The following AAMDC variants were observed in gnomAD, a reference collection of about 807,000 sequenced individuals.
AAMDC encodes the protein adipogenesis associated Mth938 domain containing, also known as mth938 domain-containing protein.
Under a neutral mutation model 15.5 loss-of-function variants are expected in AAMDC, and 16 were observed. The observed-to-expected ratio is 1.03, with a 90% CI of 0.70 to 1.57. AAMDC has a LOEUF of 1.57. AAMDC is among the 40% of genes most tolerant of loss of function. The probability of loss-of-function intolerance (pLI) is 0.00; values close to 1 mark genes in which losing one functional copy is unlikely to be tolerated. For missense variants in AAMDC, 141 were observed against 144.9 expected (o/e 0.97, Z 0.14); for synonymous variants, 51 against 51.6 (o/e 0.99, Z 0.05).
chr11:77,893,896 T>TAAA (rs1400413509), intron 5 of AAMDC, among the ~76,000 whole-genome samples: 1 of 144,132 alleles, frequency 6.9e-6, no homozygotes, highest in East Asian at 2.0e-4. Context: ...CTGTCTTAAA[T>TAAA]AAATAAATAA....
intron 2 of AAMDC, among the ~76,000 whole-genome samples, chr11:77,849,228 T>G (rs1950271320): frequency 6.6e-6 from 1 of 151,930 alleles, no homozygotes; most frequent in South Asian, 2.1e-4. Flanking sequence ...TTTTTATTTT[T>G]ATTATTTTTT....
chr11:77,878,345 C>A (rs191718687), intron 5 of AAMDC, among the ~76,000 whole-genome samples: 2 of 148,384 alleles, frequency 1.3e-5, no homozygotes, highest in East Asian at 3.9e-4. Context: ...CTGAGCGACA[C>A]AGCAAGACTC....
chr11:77,862,945 G>A (rs558235457), intron 2 of AAMDC, among the ~76,000 whole-genome samples: 5 of 152,214 alleles, frequency 3.3e-5, no homozygotes, highest in East Asian at 1.9e-4. Context: ...TGGGGGGAAC[G>A]TTTCCCATTA....
intron 5 of AAMDC, among the ~76,000 whole-genome samples, chr11:77,892,039 T>C (rs1483676063): frequency 6.6e-6 from 1 of 152,242 alleles, no homozygotes; most frequent in Non-Finnish European, 1.5e-5. Context: ...TGTTTATTGA[T>C]AACCATTATG....
chr11:77,830,050 G>A (rs1279668367), intron 1 of AAMDC: 1 of 152,244 alleles, frequency 6.6e-6, no homozygotes, highest in Non-Finnish European at 1.5e-5. Context: ...AAAATCACTT[G>A]AGCCCAGGAT....
chr11:77,883,765 A>G, intron 5 of AAMDC: 1 of 1,539,016 alleles, frequency 6.5e-7, no homozygotes. Context: ...TTAAAAACCA[A>G]ACGCTTAAGG....
At chr11:77,874,759 G>A (rs540633578), downstream of AAMDC, among the ~76,000 whole-genome samples, 87 of 152,272 alleles carry the variant, frequency 5.7e-4, no homozygotes, top group South Asian at 3.9e-3. Context: ...GAAGTTGGCC[G>A]GGTGCGGTGG....
At chr11:77,830,987 CAAAAAAAAAAAA>C (rs59283485) in intron 1 of AAMDC, among the ~76,000 whole-genome samples, 8 of 100,514 alleles carry the variant, frequency 8.0e-5, no homozygotes, top group African/African-American at 2.6e-4. Context: ...CAAAATATAC[CAAAAAAAAAAAA>C]AAAAAAAAAA....
chr11:77,896,858 C>T lies in AAMDC; in HGVS notation c.329-3713C>T, dbSNP rs545979107. Among the ~76,000 whole-genome samples the T allele has an allele frequency of 5.4e-4, 81 of 149,256 alleles. 1 individual carries two copies. The Middle Eastern group carries it at 0.017, about 32-fold the overall frequency. ...AACAGCTGATACTTCAAACTCCCAC[C>T]GAAGATCAGCAAGAATATTGAAAGA... is the stretch of plus-strand genomic sequence containing the variant. On this transcript the variant is annotated intron_variant, in intron 5 of 5. Coordinates refer to the AAMDC transcript ENST00000304716.
At chr11:77,861,873 G>A (rs943638771) in intron 2 of AAMDC, among the ~76,000 whole-genome samples, 1 of 152,080 alleles carries the variant, frequency 6.6e-6, no homozygotes, top group Admixed American at 6.6e-5. Flanking sequence ...GTTCAACAGG[G>A]TTTCTAAGTT....
downstream of AAMDC, chr11:77,903,542 G>A (rs1952843897): frequency 6.2e-7 from 1 of 1,613,512 alleles, no homozygotes; most frequent in Admixed American, 1.7e-5. Flanking sequence ...AAGCTTACCT[G>A]TTTCGCTGCT....
At chr11:77,872,124 C>A (rs781672405) in intron 3 of AAMDC, 51 bp from the exon 4 acceptor site, 5 of 1,575,950 alleles carry the variant, frequency 3.2e-6, no homozygotes, top group Non-Finnish European at 4.3e-6. Context: ...AGTAAAGGAA[C>A]CCCTGGGGGG....
rs1219747378 is a variant in AAMDC at position 77,831,695 on chromosome 11, T to C, written c.-19+10454T>C. Among the ~76,000 whole-genome samples the C allele has an allele frequency of 2.4e-4, 21 of 88,032 alleles. No individual in the cohort carries two copies. In the Admixed American group the frequency reaches 2.7e-3, roughly 11 times the overall value. 57.8% of individuals were successfully genotyped at this position (88,032 alleles called of 152,430 possible). A position where few individuals can be genotyped will look rare whatever the true frequency, so the allele number is the denominator to read the frequency against. ...CCACCTTTCACATTACTTAGGTATC[T>C]TTTTTTTTTTTTTTTTCTGAGACAG... On this transcript the variant is annotated intron_variant, in intron 1 of 3. Transcript: ENST00000393427.
chr11:77,878,731 T>G (rs1483998965), intron 5 of AAMDC: 2 of 695,528 alleles, frequency 2.9e-6, no homozygotes, highest in South Asian at 3.0e-5. Context: ...TGGTGTTTTC[T>G]CAACTTTATT....
At chr11:77,848,142 C>A (rs949131134) in intron 2 of AAMDC, among the ~76,000 whole-genome samples, 37 of 152,104 alleles carry the variant, frequency 2.4e-4, no homozygotes, top group African/African-American at 8.9e-4. Flanking sequence ...AGTCTGTAGT[C>A]CAGTTGAGCT....
chr11:77,892,031 T>C (rs902557196), intron 5 of AAMDC, among the ~76,000 whole-genome samples: 1 of 152,212 alleles, frequency 6.6e-6, no homozygotes, highest in African/African-American at 2.4e-5. Context: ...AAGGCCTCTG[T>C]TTATTGATAA....
chr11:77,845,451 G>A (rs1950106276), intron 2 of AAMDC, among the ~76,000 whole-genome samples: 1 of 151,580 alleles, frequency 6.6e-6, no homozygotes. Context: ...TGGTGGGGGG[G>A]ATAGACTATT....
At chr11:77,880,469 GAGGGTCA>G (rs1648389112) in intron 5 of AAMDC, among the ~76,000 whole-genome samples, 1 of 152,220 alleles carries the variant, frequency 6.6e-6, no homozygotes, top group South Asian at 2.1e-4. Context: ...ATGACAACAT[GAGGGTCA>G]TGCAGCAGCC....
intron 5 of AAMDC, among the ~76,000 whole-genome samples, chr11:77,892,322 G>A (rs1453207815): frequency 6.6e-6 from 1 of 152,130 alleles, no homozygotes; most frequent in African/African-American, 2.4e-5. Flanking sequence ...GAAAAGTTAA[G>A]TACGTTACTC....
Sources: gnomAD v4.1 joint callset for allele counts (sites outside exome capture counted in the v4.1 genomes callset) on GRCh38, gnomAD v4.1.1 for gene constraint, MANE v1.5 for transcripts, NCBI Gene and HGNC (gene_info 2026-07-23, HGNC 2026-07-21) for gene names.